The following SNX30 variants were observed in gnomAD, a reference collection of about 807,000 sequenced individuals.
SNX30 encodes the protein sorting nexin family member 30.
Under a neutral mutation model 46.4 loss-of-function variants are expected in SNX30, and 24 were observed. The observed-to-expected ratio is 0.52, with a 90% CI of 0.37 to 0.73. The LOEUF is 0.73. Ranked by LOEUF, SNX30 falls within the 30% of genes least tolerant of loss-of-function variation. SNX30 has a pLI of 0.00. For missense variants in SNX30, 533 were observed against 555.7 expected (o/e 0.96, Z 0.41); for synonymous variants, 189 against 211.5 (o/e 0.89, Z 0.92).
chr9:112,788,687 G>A (rs1435591919), intron 1 of SNX30, among the ~76,000 whole-genome samples: 2 of 152,158 alleles, frequency 1.3e-5, no homozygotes, highest in Non-Finnish European at 2.9e-5. Flanking sequence ...TGTGATTTTG[G>A]TGCAGAAGTT....
chr9:112,837,697 G>A (rs533010081), intron 5 of SNX30, among the ~76,000 whole-genome samples: 78 of 151,654 alleles, frequency 5.1e-4, no homozygotes, highest in Non-Finnish European at 9.4e-4. Context: ...GGATGGTCTC[G>A]ATCTCCTGAC....
intron 4 of SNX30, among the ~76,000 whole-genome samples, chr9:112,834,571 C>G (rs1840718097): frequency 6.6e-6 from 1 of 152,132 alleles, no homozygotes; most frequent in African/African-American, 2.4e-5. Context: ...ATGTTCAGCT[C>G]TCCAGAAGTT....
chr9:112,768,366 G>A (rs1309223264), intron 1 of SNX30, among the ~76,000 whole-genome samples: 4 of 152,210 alleles, frequency 2.6e-5, no homozygotes, highest in Non-Finnish European at 5.9e-5. Flanking sequence ...GACATCACCT[G>A]AGAGCTCATA....
chr9:112,842,179 G>T (rs1840870744), intron 6 of SNX30, among the ~76,000 whole-genome samples: 1 of 152,210 alleles, frequency 6.6e-6, no homozygotes, highest in South Asian at 2.1e-4. Flanking sequence ...CTGACCTCAA[G>T]TGATCTGCCT....
chr9:112,762,204 ATTG>A (rs1172641175), intron 1 of SNX30, among the ~76,000 whole-genome samples: 4 of 151,622 alleles, frequency 2.6e-5, no homozygotes, highest in African/African-American at 9.7e-5. Flanking sequence ...GGGATCAGGA[ATTG>A]TTGTTTGTGT....
At chr9:112,769,842 A>G (rs1442912284) in intron 1 of SNX30, among the ~76,000 whole-genome samples, 1 of 152,160 alleles carries the variant, frequency 6.6e-6, no homozygotes, top group African/African-American at 2.4e-5. Context: ...TCCAACAGGC[A>G]TGTCAAGCTA....
chr9:112,847,190 A>G (rs749423727), intron 6 of SNX30, among the ~76,000 whole-genome samples: 1 of 152,320 alleles, frequency 6.6e-6, no homozygotes, highest in East Asian at 1.9e-4. Flanking sequence ...CCTTTTTATT[A>G]TAGAAAAATT....
At chr9:112,774,811 C>G (rs1430088846) in intron 1 of SNX30, among the ~76,000 whole-genome samples, 1 of 142,332 alleles carries the variant, frequency 7.0e-6, no homozygotes, top group African/African-American at 2.6e-5. Context: ...TTACTCAGTT[C>G]TATATATATA....
intron 2 of SNX30, among the ~76,000 whole-genome samples, chr9:112,810,264 G>T (rs929894121): frequency 1.3e-5 from 2 of 152,138 alleles, no homozygotes; most frequent in African/African-American, 4.8e-5. Flanking sequence ...AAGGGTGCCT[G>T]GCAATGTTGG....
At position 112,751,052 on chromosome 9, in the gene SNX30, G is replaced by A; in HGVS notation, c.51G>A (p.Leu17=). The change falls in exon 1 of 9, where the codon CTG becomes CTA. Residue 17 remains leucine (L), a synonymous_variant. Coordinates refer to ENST00000374232, the MANE Select transcript of SNX30 (RefSeq NM_001012994.2). ...TGCCGTCCACGGGGCCCCACTCCCT[G>A]CGCGACATGCCGCACCCGCTGGCCG... The part of the protein sequence containing the change: ...KALPSTGPHS[L]RDMPHPLAGS... 1.3e-6 allele frequency: 2 copies of A among 1,492,022 alleles called. No individual in the cohort carries two copies. Among genetic ancestry groups the A allele is most frequent in the Non-Finnish European group, 8.9e-7 (1 of 1,126,980 alleles). 92.4% of individuals were successfully genotyped at this position (1,492,022 alleles called of 1,614,324 possible). A position where few individuals can be genotyped will look rare whatever the true frequency, so the allele number is the denominator to read the frequency against.
chr9:112,783,814 C>T lies in SNX30; in HGVS notation c.157-20962C>T, dbSNP rs183834764. 1.3e-3 allele frequency among the ~76,000 whole-genome samples: 201 copies of T among 152,254 alleles called. 1 individual carries two copies. The highest frequency in any genetic ancestry group is 2.6e-3 in the Non-Finnish European group (179 of 68,018). Reference sequence around the variant, plus strand: ...TGCTGGTTTGTGAGAGTGGAAAAAACGGTTTGAATCAGGTATCACTGAAGC... The same window carrying T: ...TGCTGGTTTGTGAGAGTGGAAAAAATGGTTTGAATCAGGTATCACTGAAGC... On this transcript the variant is annotated intron_variant, in intron 1 of 8. Transcript: ENST00000374232.
At chr9:112,840,423 G>C (rs10739374) in intron 6 of SNX30, among the ~76,000 whole-genome samples, 143,435 of 152,372 alleles carry the variant, frequency 0.94, 67,617 homozygotes, top group East Asian at 1. Flanking sequence ...AGAAAGACAT[G>C]CTGACTTTCT....
intron 6 of SNX30, among the ~76,000 whole-genome samples, chr9:112,842,250 C>T (rs973676390): frequency 2.0e-5 from 3 of 152,178 alleles, no homozygotes; most frequent in East Asian, 1.9e-4. Flanking sequence ...GCCTGTGGCC[C>T]GTTCTTCATC....
At position 112,761,150 on chromosome 9, in the gene SNX30, C is replaced by T. The variant is rs12351655; in HGVS notation, c.156+9993C>T. On this transcript the variant is annotated intron_variant, in intron 1 of 8. Transcript: ENST00000374232. ...TTCAGCAGTAGCTAGTCCTAGAGGG[C>T]GTGGTTTTGTTTGTTTGTTTGTTTG... 5.4e-3 allele frequency among the ~76,000 whole-genome samples: 780 copies of T among 145,510 alleles called. 7 individuals carry two copies. Among genetic ancestry groups the T allele is most frequent in the Admixed American group, 9.6e-3 (137 of 14,206 alleles).
intron 1 of SNX30, among the ~76,000 whole-genome samples, chr9:112,757,293 G>T (rs1220452458): frequency 2.0e-5 from 3 of 152,170 alleles, no homozygotes; most frequent in Non-Finnish European, 4.4e-5. Flanking sequence ...ATTTCCTTCA[G>T]GCTCATTCAC....
At chr9:112,753,123 AG>A (rs1312708700) in intron 1 of SNX30, among the ~76,000 whole-genome samples, 2 of 152,142 alleles carry the variant, frequency 1.3e-5, no homozygotes, top group Non-Finnish European at 2.9e-5. Flanking sequence ...GTATACCAAG[AG>A]GTGGGGATCA....
chr9:112,804,958 C>A lies in SNX30; in HGVS notation c.339C>A (p.Ile113=), dbSNP rs1007721178. The change falls in exon 2 of 9, where the codon ATC becomes ATA. Residue 113 remains isoleucine (I), a synonymous_variant. Transcript: ENST00000374232. ...TGGAGACTTACATCACCTATAGGAT[C>A]ACCACCAAAGTAGGTCCCTGTGTTA... ...CTMETYITYR[I]TTKSTRVEFD... 3 of 1,594,488 alleles carry A rather than the reference C, an allele frequency of 1.9e-6. No homozygotes were observed. The African/African-American group carries it at 4.0e-5, about 21-fold the overall frequency.
intron 2 of SNX30, among the ~76,000 whole-genome samples, chr9:112,811,710 G>A (rs916906308): frequency 2.0e-5 from 3 of 152,080 alleles, no homozygotes; most frequent in Middle Eastern, 3.2e-3. Flanking sequence ...GTACATGTGC[G>A]CCCGTGACCT....
At chr9:112,879,849 G>T (rs1841556360), downstream of SNX30, 2 of 1,599,180 alleles carry the variant, frequency 1.3e-6, no homozygotes, top group Admixed American at 3.3e-5. Flanking sequence ...AGAGTTACAA[G>T]AGAACAGCTG....
Sources: gnomAD v4.1 joint callset for allele counts (sites outside exome capture counted in the v4.1 genomes callset) on GRCh38, gnomAD v4.1.1 for gene constraint, MANE v1.5 for transcripts, NCBI Gene and HGNC (gene_info 2026-07-23, HGNC 2026-07-21) for gene names.